The following PABIR3 variants were observed in gnomAD, a reference collection of about 807,000 sequenced individuals.
PABIR3 encodes the protein PABIR family member 1.
Under a neutral mutation model 23.1 loss-of-function variants are expected in PABIR3, and 20 were observed. The observed-to-expected ratio is 0.86, with a 90% CI of 0.61 to 1.26. PABIR3 has a LOEUF of 1.26. Among genes scored for constraint, PABIR3 ranks in the 50% most tolerant of loss-of-function variants. The pLI, the probability that PABIR3 is intolerant of heterozygous loss-of-function variation, is 0.00. For synonymous variants in PABIR3, 69 were observed against 68.5 expected, an observed-to-expected ratio of 1.01 and a Z score of -0.04; for missense variants, 189 against 195.4, an observed-to-expected ratio of 0.97 and a Z score of 0.20.
In PABIR3 at chrX:134,802,124, C is replaced by T. The variant is rs757466200; in HGVS notation, c.-97-1977C>T. Among the ~76,000 whole-genome samples, 8 of 109,267 alleles carry T rather than the reference C, an allele frequency of 7.3e-5. 1 individual carries two copies. The highest frequency in any genetic ancestry group is 1.5e-4 in the Non-Finnish European group (8 of 52,516). 94.9% of individuals were successfully genotyped at this position (109,267 alleles called of 115,157 possible). A position where few individuals can be genotyped will look rare whatever the true frequency, so the allele number is the denominator to read the frequency against. On this transcript the variant is annotated intron_variant, in intron 1 of 4. Coordinates refer to the PABIR3 transcript ENST00000414371. ...TTTGAGATGGAATCTCGCTTTGTCG[C>T]CCAGGCTGGAGTGCAGTGGTGGGAT...
intron 2 of PABIR3, among the ~76,000 whole-genome samples, chrX:134,808,547 A>C (rs1170989565): frequency 9.0e-6 from 1 of 110,955 alleles, no homozygotes; most frequent in East Asian, 2.8e-4. Flanking sequence ...CTCCCGGCTA[A>C]TTTTTTGTAT....
chrX:134,806,573 G>A (rs1264028070), upstream of PABIR3, among the ~76,000 whole-genome samples: 1 of 107,011 alleles, frequency 9.3e-6, no homozygotes, highest in Non-Finnish European at 1.9e-5. Context: ...CCGAGATCGC[G>A]GCCACTGCAC....
chrX:134,807,461 C>T (rs1442499593), intron 1 of PABIR3, 79 bp from the exon 2 acceptor site: 9 of 1,111,020 alleles, frequency 8.1e-6, no homozygotes, highest in Non-Finnish European at 1.1e-5. Context: ...GGTGGGCACC[C>T]CTACTCGCCT....
At chrX:134,832,358 C>T (rs2081822596) in intron 4 of PABIR3, among the ~76,000 whole-genome samples, 1 of 108,093 alleles carries the variant, frequency 9.3e-6, no homozygotes, top group African/African-American at 3.4e-5. Flanking sequence ...ATAATGACCT[C>T]CAGTTTCATC....
At chrX:134,857,007 G>A (rs766739054), downstream of PABIR3, among the ~76,000 whole-genome samples, 7 of 100,239 alleles carry the variant, frequency 7.0e-5, no homozygotes, top group South Asian at 7.7e-4. Context: ...GTGAGACTCC[G>A]TCTCAAAGAA....
intron 4 of PABIR3, among the ~76,000 whole-genome samples, chrX:134,841,829 C>CA (rs1189372830): frequency 3.0e-4 from 31 of 103,816 alleles, no homozygotes; most frequent in Admixed American, 1.4e-3. Flanking sequence ...ATTCTGTCAC[C>CA]AAAAAAAAAT....
chrX:134,815,228 A>C, intron 3 of PABIR3, among the ~76,000 whole-genome samples: 1 of 110,711 alleles, frequency 9.0e-6, no homozygotes, highest in Non-Finnish European at 1.9e-5. Context: ...TTGAGAGGAA[A>C]ATTTGCAGAC....
the PABIR3 span, among the ~76,000 whole-genome samples, chrX:134,862,987 C>CT: frequency 2.7e-5 from 3 of 111,863 alleles, no homozygotes; most frequent in Non-Finnish European, 5.6e-5. Context: ...CCATTCCAGT[C>CT]TTTTTTTCTT....
chrX:134,845,896 C>T (rs1218123308), intron 6 of PABIR3, among the ~76,000 whole-genome samples: 2 of 111,917 alleles, frequency 1.8e-5, no homozygotes, highest in East Asian at 5.6e-4. Flanking sequence ...ACTCCCTTCT[C>T]CATAATTTAT....
At chrX:134,828,776 T>C (rs767363615) in intron 3 of PABIR3, among the ~76,000 whole-genome samples, 7 of 112,054 alleles carry the variant, frequency 6.2e-5, no homozygotes, top group Non-Finnish European at 7.5e-5. Flanking sequence ...GGATATTTGA[T>C]GTAGTTATTC....
intron 2 of PABIR3, among the ~76,000 whole-genome samples, chrX:134,811,585 C>T (rs1447945369): frequency 9.1e-6 from 1 of 110,438 alleles, no homozygotes; most frequent in Non-Finnish European, 1.9e-5. Flanking sequence ...ACGGGTTTCA[C>T]TATGTTGGCC....
rs1220426150 is a variant in PABIR3 at position 134,807,642 on chromosome X, G to A, written c.44G>A (p.Ser15Asn). Residue 15 changes from serine to asparagine, a missense_variant, in exon 2 of 11, where the codon AGT becomes AAT. Ser to Asn is a conservative substitution (Grantham distance 46). Transcript: ENST00000645433. The stretch of plus-strand genomic sequence containing the variant: ...AAACTAGGTTTCAAGTCGCTGCCGA[G>A]TTCCACTACCGCAGACGGCAACATT... ...KMKLGFKSLP[S>N]STTADGNILR... 2.5e-6 allele frequency: 3 copies of A among 1,208,504 alleles called. No individual in the cohort carries two copies. The highest frequency in any genetic ancestry group is 2.2e-6 in the Non-Finnish European group (2 of 894,401).
At chrX:134,847,173 T>C (rs1430585468) in intron 6 of PABIR3, among the ~76,000 whole-genome samples, 1 of 112,069 alleles carries the variant, frequency 8.9e-6, no homozygotes, top group Non-Finnish European at 1.9e-5. Context: ...AATCACCATA[T>C]AGCCCTCATC....
rs1269190062 is a variant in PABIR3, at chrX:134,809,472, T to TA, written c.110+1765dup. 23 of 752,144 alleles carry TA rather than the reference T, an allele frequency of 3.1e-5. No homozygotes were observed. The Admixed American group carries it at 1.9e-3, about 63-fold the overall frequency. 62.0% of individuals were successfully genotyped at this position (752,144 alleles called of 1,213,427 possible). ...GAGCCACTGCGCCTGGCCTAAATCT[T>TA]ACTTCTTAAACTAGACTTTTAAAAT... On this transcript the variant is annotated intron_variant, in intron 2 of 10. Transcript: ENST00000645433.
intron 1 of PABIR3, among the ~76,000 whole-genome samples, chrX:134,797,844 C>A (rs978271396): frequency 9.8e-6 from 1 of 102,099 alleles, no homozygotes; most frequent in African/African-American, 3.7e-5. Flanking sequence ...AACAGAGTCT[C>A]GCTCTTTCGC....
chrX:134,808,780 G>C (rs1403724603), intron 2 of PABIR3, among the ~76,000 whole-genome samples: 1 of 112,319 alleles, frequency 8.9e-6, no homozygotes, highest in African/African-American at 3.2e-5. Flanking sequence ...GCCTCCCAAA[G>C]TGCTGGTATT....
chrX:134,821,638 A>C (rs2081302033), intron 3 of PABIR3: 1 of 1,106,091 alleles, frequency 9.0e-7, no homozygotes, highest in South Asian at 2.0e-5. Context: ...CATCTGTCTC[A>C]TTAGGTTTTG....
In PABIR3 at chrX:134,821,243, G is replaced by GT. The variant is rs1367090772; in HGVS notation, c.189+6395dup. 1.4e-5 allele frequency: 8 copies of GT among 551,866 alleles called. No homozygotes were observed. The African/African-American group carries it at 1.7e-4, about 12-fold the overall frequency. The allele number at this position is 551,866 out of a possible 1,213,427, so 45.5% of individuals were successfully genotyped here. A position where few individuals can be genotyped will look rare whatever the true frequency, so the allele number is the denominator to read the frequency against. ...TAAAGATGCGTATTTTCCAAGCATT[G>GT]TAAAAAAAAAAAAAAAAAAAAAAAC... On this transcript the variant is annotated intron_variant, in intron 3 of 10. Coordinates refer to ENST00000645433, the MANE Select transcript of PABIR3 (RefSeq NM_001388447.1).
intron 1 of PABIR3, chrX:134,797,007 TCGAG>T (rs1353900416): frequency 8.8e-6 from 1 of 113,289 alleles, no homozygotes; most frequent in East Asian, 2.8e-4. Flanking sequence ...CCCTCCCGCC[TCGAG>T]GACAGGTTGG....
Sources: allele counts gnomAD v4.1 joint callset (sites outside exome capture counted in the v4.1 genomes callset), GRCh38; gene constraint gnomAD v4.1.1; transcripts MANE v1.5; gene names NCBI Gene and HGNC (gene_info 2026-07-23, HGNC 2026-07-21).